KCNIP4: variants seen among roughly 807,000 people sequenced by gnomAD.
KCNIP4 encodes Kv channel-interacting protein 4.
KCNIP4 carries 12 observed loss-of-function variants against 34.0 expected under a neutral mutation model. The ratio of observed to expected loss-of-function variants is 0.35; its 90% CI spans 0.23 to 0.57. KCNIP4 has a LOEUF of 0.57. Ranked by LOEUF, KCNIP4 falls within the 20% of genes least tolerant of loss-of-function variation. KCNIP4 has a pLI of 0.83. For missense variants in KCNIP4, 238 were observed against 311.7 expected, an observed-to-expected ratio of 0.76 and a Z score of 1.78; for synonymous variants, 124 against 102.2, an observed-to-expected ratio of 1.21 and a Z score of -1.29.
intron 1 of KCNIP4, among the ~76,000 whole-genome samples, chr4:21,584,231 C>T (rs925073877): frequency 6.6e-6 from 1 of 151,876 alleles, no homozygotes; most frequent in Non-Finnish European, 1.5e-5. Context: ...CTTTTTCTTC[C>T]TAGGTTGCTT....
At chr4:21,092,221 C>T (rs1560713066) in intron 1 of KCNIP4, among the ~76,000 whole-genome samples, 1 of 150,984 alleles carries the variant, frequency 6.6e-6, no homozygotes, top group Admixed American at 6.6e-5. Context: ...TATTTAATTC[C>T]AAAAAAAATA....
chr4:21,709,908 A>G (rs926250818), intron 1 of KCNIP4, among the ~76,000 whole-genome samples: 14 of 152,218 alleles, frequency 9.2e-5, no homozygotes, highest in African/African-American at 2.9e-4. Flanking sequence ...CCAAAAGAGA[A>G]GCACATATCC....
At chr4:21,157,571 G>T (rs968540087) in intron 1 of KCNIP4, among the ~76,000 whole-genome samples, 1 of 151,928 alleles carries the variant, frequency 6.6e-6, no homozygotes, top group East Asian at 1.9e-4. Flanking sequence ...CCCTACAATT[G>T]CCCAAGCAAT....
intron 1 of KCNIP4, among the ~76,000 whole-genome samples, chr4:21,841,575 C>T (rs902464416): frequency 6.6e-6 from 1 of 152,098 alleles, no homozygotes; most frequent in African/African-American, 2.4e-5. Context: ...TCTGGCTACC[C>T]TTCAAAGATT....
intron 1 of KCNIP4, among the ~76,000 whole-genome samples, chr4:21,492,306 A>G (rs1030282994): frequency 6.6e-6 from 1 of 151,962 alleles, no homozygotes; most frequent in African/African-American, 2.4e-5. Context: ...ACAGTCTTGA[A>G]CTCCGGGACT....
At chr4:20,911,082 A>G (rs1728284807) in intron 1 of KCNIP4, among the ~76,000 whole-genome samples, 1 of 152,180 alleles carries the variant, frequency 6.6e-6, no homozygotes, top group African/African-American at 2.4e-5. Context: ...AATCAGACAG[A>G]TTATGAGAAA....
intron 3 of KCNIP4, among the ~76,000 whole-genome samples, chr4:20,813,606 T>A (rs1235850862): frequency 2.6e-5 from 4 of 152,166 alleles, no homozygotes; most frequent in Non-Finnish European, 5.9e-5. Flanking sequence ...TCAACAAATG[T>A]GGTAATAATT....
chr4:20,988,794 A>G (rs1006537259), intron 1 of KCNIP4, among the ~76,000 whole-genome samples: 1 of 152,200 alleles, frequency 6.6e-6, no homozygotes, highest in African/African-American at 2.4e-5. Flanking sequence ...AGACTCAGGA[A>G]AAACTCTCTA....
At chr4:21,798,562 AAAAGAAAG>A (rs71193411) in intron 1 of KCNIP4, among the ~76,000 whole-genome samples, 14 of 116,972 alleles carry the variant, frequency 1.2e-4, no homozygotes, top group East Asian at 2.2e-4. Flanking sequence ...GAGAGAAAGA[AAAAGAAAG>A]AAAGAAAGAA....
intron 1 of KCNIP4, among the ~76,000 whole-genome samples, chr4:21,504,625 G>A (rs1350230927): frequency 1.3e-5 from 2 of 151,924 alleles, no homozygotes; most frequent in Non-Finnish European, 2.9e-5. Flanking sequence ...CTTTCTTTAG[G>A]GAGGCTAATT....
At chr4:21,576,726 T>G (rs1359939303) in intron 1 of KCNIP4, among the ~76,000 whole-genome samples, 1 of 152,206 alleles carries the variant, frequency 6.6e-6, no homozygotes, top group African/African-American at 2.4e-5. Flanking sequence ...TAATAACTTT[T>G]GCTCTTAACC....
intron 1 of KCNIP4, among the ~76,000 whole-genome samples, chr4:21,785,936 G>A (rs1477708460): frequency 6.6e-6 from 1 of 152,042 alleles, no homozygotes; most frequent in African/African-American, 2.4e-5. Context: ...TTTGGTGTGG[G>A]CATATATTTT....
At chr4:21,082,086 T>C (rs1215892982) in intron 1 of KCNIP4, among the ~76,000 whole-genome samples, 2 of 151,942 alleles carry the variant, frequency 1.3e-5, no homozygotes, top group East Asian at 1.9e-4. Context: ...ATCCTGCTAA[T>C]GCAGAACCTG....
chr4:21,672,611 G>C (rs1749591521), intron 1 of KCNIP4, among the ~76,000 whole-genome samples: 1 of 152,212 alleles, frequency 6.6e-6, no homozygotes, highest in South Asian at 2.1e-4. Flanking sequence ...CTTCTGTCTA[G>C]TTCAGATACC....
chr4:21,313,069 T>A (rs976227838), intron 1 of KCNIP4, among the ~76,000 whole-genome samples: 2 of 152,222 alleles, frequency 1.3e-5, no homozygotes, highest in African/African-American at 4.8e-5. Context: ...CTGGGTCTAA[T>A]CTTTATCTAA....
chr4:20,903,891 C>T (rs190454621), intron 1 of KCNIP4, among the ~76,000 whole-genome samples: 44 of 152,268 alleles, frequency 2.9e-4, no homozygotes, highest in African/African-American at 8.2e-4. Flanking sequence ...CTGTCATCCA[C>T]GCCTCCCTCC....
chr4:21,665,523 T>C lies in KCNIP4; in HGVS notation c.61+283048A>G, dbSNP rs1242576720. On this transcript the variant is annotated intron_variant, in intron 1 of 8. Coordinates refer to ENST00000382152, the MANE Select transcript of KCNIP4 (RefSeq NM_025221.6). ...TCTATCACAGGGCACCCCCCCCCCC[T>C]CATTTTATACATGTATTTTCTTGTA... Among the ~76,000 whole-genome samples, 343 of 107,010 alleles carry C rather than the reference T, an allele frequency of 3.2e-3. 3 individuals are homozygous for C. Among genetic ancestry groups the C allele is most frequent in the South Asian group, 5.6e-3 (16 of 2,882 alleles). 70.2% of individuals were successfully genotyped at this position (107,010 alleles called of 152,430 possible).
intron 1 of KCNIP4, among the ~76,000 whole-genome samples, chr4:21,753,869 C>A (rs1377740390): frequency 6.6e-6 from 1 of 152,104 alleles, no homozygotes; most frequent in African/African-American, 2.4e-5. Context: ...TGACTGCTAC[C>A]GTGGAGATTC....
intron 1 of KCNIP4, among the ~76,000 whole-genome samples, chr4:21,258,972 A>G (rs570716897): frequency 5.4e-4 from 82 of 152,264 alleles, no homozygotes; most frequent in African/African-American, 1.9e-3. Context: ...CTATGTTCCA[A>G]CCACTGGGAT....
Sources: gnomAD v4.1 joint callset for allele counts (sites outside exome capture counted in the v4.1 genomes callset) on GRCh38, gnomAD v4.1.1 for gene constraint, MANE v1.5 for transcripts, NCBI Gene and HGNC (gene_info 2026-07-23, HGNC 2026-07-21) for gene names.